CCDC171: variants seen among roughly 807,000 people sequenced by gnomAD.
The protein encoded by CCDC171 is coiled-coil domain containing 171.
A neutral mutation model predicts 168.2 loss-of-function variants in CCDC171; 177 were observed. That is an observed-to-expected ratio of 1.05 (90% CI 0.93 to 1.19). The LOEUF (loss-of-function observed/expected upper bound fraction) is 1.19. CCDC171 is among the 50% of genes most tolerant of loss of function. The pLI, the probability that CCDC171 is intolerant of heterozygous loss-of-function variation, is 0.00. For missense variants in CCDC171, 1,991 were observed against 1,539.0 expected, an observed-to-expected ratio of 1.29 and a Z score of -4.91; for synonymous variants, 687 against 540.8, an observed-to-expected ratio of 1.27 and a Z score of -3.75.
At chr9:15,862,843 C>G (rs1353052154) in intron 23 of CCDC171, among the ~76,000 whole-genome samples, 2 of 151,960 alleles carry the variant, frequency 1.3e-5, no homozygotes, top group Admixed American at 1.3e-4. Context: ...CTCATCAGTA[C>G]TTTGAGACAG....
At chr9:15,598,314 G>C (rs202084677) in intron 6 of CCDC171, among the ~76,000 whole-genome samples, 4 of 151,606 alleles carry the variant, frequency 2.6e-5, no homozygotes, top group Non-Finnish European at 4.4e-5. Context: ...CTATACACTG[G>C]TTTGAATGTG....
At position 15,882,852 on chromosome 9, in the gene CCDC171, G is replaced by A. The variant is rs558855038; in HGVS notation, c.3600+8189G>A. Among the ~76,000 whole-genome samples the A allele has an allele frequency of 9.4e-5, 14 of 148,582 alleles. 1 individual carries two copies. In the South Asian group the frequency reaches 3.0e-3, roughly 32 times the overall value. On this transcript the variant is annotated intron_variant, in intron 24 of 25. Coordinates refer to ENST00000380701, the MANE Select transcript of CCDC171 (RefSeq NM_173550.4). ...TTCTGTGCCTGTTGTCTGATTTCTAGGTTTTTTATTTGTTTGTTTGATGGT... is the reference window on the plus strand; with the variant it reads ...TTCTGTGCCTGTTGTCTGATTTCTAAGTTTTTTATTTGTTTGTTTGATGGT...
chr9:15,753,599 T>TA (rs1283539641), intron 18 of CCDC171, among the ~76,000 whole-genome samples: 3 of 152,032 alleles, frequency 2.0e-5, no homozygotes, highest in Non-Finnish European at 4.4e-5. Context: ...CTGATAAAGA[T>TA]ATGCATAGGT....
At chr9:15,672,315 A>G (rs2049177693) in intron 9 of CCDC171, among the ~76,000 whole-genome samples, 1 of 152,090 alleles carries the variant, frequency 6.6e-6, no homozygotes, top group Admixed American at 6.6e-5. Context: ...GTTTACTCTG[A>G]TGATACTTTC....
chr9:16,096,712 G>C, the CCDC171 span, among the ~76,000 whole-genome samples: 1 of 152,198 alleles, frequency 6.6e-6, no homozygotes, highest in Admixed American at 6.5e-5. Flanking sequence ...CTTCTTGCAA[G>C]TTCTAGAAAC....
intron 21 of CCDC171, among the ~76,000 whole-genome samples, chr9:15,830,845 A>C (rs1199404181): frequency 2.0e-5 from 3 of 152,294 alleles, no homozygotes; most frequent in Middle Eastern, 6.8e-3. Flanking sequence ...TTAGAAATTG[A>C]ACATAGAGAC....
chr9:15,939,350 C>G (rs1209677415), intron 25 of CCDC171, among the ~76,000 whole-genome samples: 2 of 151,418 alleles, frequency 1.3e-5, no homozygotes, highest in Non-Finnish European at 3.0e-5. Flanking sequence ...TTATCCTACA[C>G]AGGTAAAAAA....
chr9:16,055,795 A>C (rs1449197630), intron 1 of CCDC171, among the ~76,000 whole-genome samples: 4 of 152,232 alleles, frequency 2.6e-5, no homozygotes, highest in African/African-American at 9.6e-5. Context: ...GTTCAAGCGG[A>C]TTATTCCTGA....
At chr9:15,884,379 T>A (rs985004501) in intron 24 of CCDC171, among the ~76,000 whole-genome samples, 11 of 152,156 alleles carry the variant, frequency 7.2e-5, no homozygotes, top group Non-Finnish European at 2.9e-5. Context: ...CTTGGTCAGG[T>A]ATATATAGAT....
At chr9:15,670,248 T>G (rs2049018598) in intron 9 of CCDC171, among the ~76,000 whole-genome samples, 1 of 152,142 alleles carries the variant, frequency 6.6e-6, no homozygotes, top group African/African-American at 2.4e-5. Flanking sequence ...TGGCCTTTAT[T>G]TATAAAATAG....
intron 11 of CCDC171, among the ~76,000 whole-genome samples, chr9:15,706,171 T>A (rs1322783376): frequency 1.3e-5 from 2 of 152,210 alleles, no homozygotes; most frequent in African/African-American, 4.8e-5. Flanking sequence ...ATTCTTATAG[T>A]AGGATGTGTG....
chr9:15,966,936 A>G (rs1164587898), intron 25 of CCDC171, among the ~76,000 whole-genome samples: 1 of 152,108 alleles, frequency 6.6e-6, no homozygotes, highest in Admixed American at 6.6e-5. Flanking sequence ...TATATGATGC[A>G]TATATCAAGT....
the CCDC171 span, among the ~76,000 whole-genome samples, chr9:16,069,564 C>T: frequency 1.3e-5 from 2 of 152,260 alleles, no homozygotes; most frequent in East Asian, 1.9e-4. Context: ...CTCGGGGCAC[C>T]GAAGGAGAAG....
intron 25 of CCDC171, among the ~76,000 whole-genome samples, chr9:15,930,192 G>C (rs1012692070): frequency 6.6e-6 from 1 of 151,484 alleles, no homozygotes; most frequent in Non-Finnish European, 1.5e-5. Context: ...ATCTATACTT[G>C]TTATTGGACC....
At chr9:15,832,216 G>A (rs1048132920) in intron 21 of CCDC171, among the ~76,000 whole-genome samples, 1 of 152,106 alleles carries the variant, frequency 6.6e-6, no homozygotes, top group South Asian at 2.1e-4. Flanking sequence ...CATTCAAATG[G>A]TGAGATACAA....
At chr9:15,589,847 T>A (rs966293744) in intron 4 of CCDC171, among the ~76,000 whole-genome samples, 7 of 151,648 alleles carry the variant, frequency 4.6e-5, no homozygotes, top group Non-Finnish European at 8.8e-5. Flanking sequence ...GATGAAAAAA[T>A]TTGAGGACCA....
intron 23 of CCDC171, among the ~76,000 whole-genome samples, chr9:15,863,400 G>T (rs1373512263): frequency 1.3e-5 from 2 of 151,892 alleles, no homozygotes; most frequent in African/African-American, 4.8e-5. Flanking sequence ...TGTCCATGGG[G>T]GAAGGAGAGT....
chr9:15,807,442 C>A (rs1221853597), intron 21 of CCDC171, among the ~76,000 whole-genome samples: 1 of 152,142 alleles, frequency 6.6e-6, no homozygotes, highest in African/African-American at 2.4e-5. Flanking sequence ...CCTTTTGAGG[C>A]TTGTAAGGAC....
At chr9:16,006,485 G>T (rs548315628) in intron 3 of CCDC171, among the ~76,000 whole-genome samples, 47 of 152,140 alleles carry the variant, frequency 3.1e-4, no homozygotes, top group African/African-American at 1.1e-3. Context: ...CAACGTGCAG[G>T]TTTGTTACAT....
Sources: gnomAD v4.1 joint callset for allele counts (sites outside exome capture counted in the v4.1 genomes callset) on GRCh38, gnomAD v4.1.1 for gene constraint, MANE v1.5 for transcripts, NCBI Gene and HGNC (gene_info 2026-07-23, HGNC 2026-07-21) for gene names.